Variants in TCHP observed in about 807,000 individuals in gnomAD.
TCHP encodes the protein trichoplein keratin filament binding, also known as trichoplein keratin filament-binding protein.
A neutral mutation model predicts 88.7 loss-of-function variants in TCHP; 81 were observed. That is an observed-to-expected ratio of 0.91 (90% CI 0.76 to 1.10). TCHP has a LOEUF of 1.10. TCHP is among the 50% of genes least tolerant of loss of function. The pLI is 0.00. For synonymous variants in TCHP, 232 were observed against 232.5 expected, an observed-to-expected ratio of 1.00 and a Z score of 0.02; for missense variants, 641 against 632.1, an observed-to-expected ratio of 1.01 and a Z score of -0.15.
chr12:109,914,304 C>T (rs1870670028), intron 10 of TCHP, 138 bp from the exon 11 acceptor site: 1 of 691,934 alleles, frequency 1.4e-6, no homozygotes, highest in Non-Finnish European at 2.4e-6. Context: ...TGTCATCTGG[C>T]TCTGCCTCTG....
At chr12:109,899,554 C>T (rs927366821), upstream of TCHP, among the ~76,000 whole-genome samples, 2 of 152,102 alleles carry the variant, frequency 1.3e-5, no homozygotes, top group African/African-American at 2.4e-5. Flanking sequence ...AGGGTAATCG[C>T]TTGAACCCGT....
chr12:109,915,618 T>C, intron 12 of TCHP, 72 bp downstream of exon 12: 1 of 1,488,788 alleles, frequency 6.7e-7, no homozygotes, highest in Non-Finnish European at 9.0e-7. Flanking sequence ...CCCCTGGGCC[T>C]GCTCATCGCC....
Position 109,906,575 on chromosome 12 carries a change from G to C in TCHP, c.460G>C (p.Glu154Gln). Reference sequence around the variant, plus strand: ...ATCGTCCCCCTTCCATCCTCAGATGGAGCTGGACCTTCACCAGAAGCATGT... The same window carrying C: ...ATCGTCCCCCTTCCATCCTCAGATGCAGCTGGACCTTCACCAGAAGCATGT... The part of the protein sequence containing the change: ...KKNNPKLREM[E>Q]LDLHQKHVVN... The change falls in exon 5 of 13, where the codon GAG becomes CAG. Residue 154 changes from glutamate to glutamine, a missense_variant. Coordinates refer to ENST00000405876, the MANE Select transcript of TCHP (RefSeq NM_001143852.2). The C allele has an allele frequency of 4.3e-6, 7 of 1,612,982 alleles. No homozygotes were observed. The highest frequency in any genetic ancestry group is 5.9e-6 in the Non-Finnish European group (7 of 1,179,832).
chr12:109,891,263 A>C, the TCHP span, among the ~76,000 whole-genome samples: 1 of 152,200 alleles, frequency 6.6e-6, no homozygotes, highest in Non-Finnish European at 1.5e-5. Flanking sequence ...ATCCTTCTCT[A>C]TAGGAAAATT....
chr12:109,886,714 TG>T, the TCHP span, among the ~76,000 whole-genome samples: 1 of 151,840 alleles, frequency 6.6e-6, no homozygotes, highest in African/African-American at 2.4e-5. Flanking sequence ...GTTTGTTTTT[TG>T]TTTTTTGTTT....
At chr12:109,916,474 C>A in intron 12 of TCHP, 117 bp from the exon 13 acceptor site, 5 of 1,139,286 alleles carry the variant, frequency 4.4e-6, no homozygotes, top group Non-Finnish European at 6.1e-6. Context: ...ATTTTTTCAG[C>A]TGGAAATGAA....
intron 8 of TCHP, 25 bp downstream of exon 8, chr12:109,908,962 A>G (rs1565911273): frequency 4.3e-6 from 7 of 1,612,686 alleles, no homozygotes; most frequent in African/African-American, 1.3e-5. Context: ...ACAGCCTGAC[A>G]TCTTTCTTAG....
At chr12:109,909,087 G>A (rs758230459) in intron 8 of TCHP, 150 bp downstream of exon 8, 3 of 691,056 alleles carry the variant, frequency 4.3e-6, no homozygotes, top group Middle Eastern at 3.0e-4. Flanking sequence ...TACATCCCTC[G>A]GTTGGGAGAT....
At chr12:109,899,005 G>C (rs953530137), upstream of TCHP, among the ~76,000 whole-genome samples, 1 of 152,038 alleles carries the variant, frequency 6.6e-6, no homozygotes, top group African/African-American at 2.4e-5. Context: ...TTTTAGCAGA[G>C]ACGGGGTTTC....
intron 8 of TCHP, among the ~76,000 whole-genome samples, chr12:109,909,793 T>C (rs890087644): frequency 6.6e-6 from 1 of 152,294 alleles, no homozygotes; most frequent in Admixed American, 6.5e-5. Context: ...GGTATAACCC[T>C]GTCTCTACTA....
At position 109,914,441 on chromosome 12, in the gene TCHP, G is replaced by A; in HGVS notation, c.1135-1G>A. The A allele has an allele frequency of 6.2e-7, 1 of 1,610,442 alleles. No homozygotes were observed. Among genetic ancestry groups the A allele is most frequent in the South Asian group, 1.1e-5 (1 of 90,766 alleles). ...TGCCCTTTTCTTTCTGCTGAGGTTA[G>A]GTTCTGACAGGGAGACAACAGCAAA... On this transcript the variant is annotated splice_acceptor_variant, in intron 10 of 12. Coordinates refer to ENST00000405876, the MANE Select transcript of TCHP (RefSeq NM_001143852.2). LOFTEE classifies it high-confidence loss of function.
chr12:109,900,605 G>GT (rs1869729927), intron 1 of TCHP, 179 bp downstream of exon 1: 1 of 152,292 alleles, frequency 6.6e-6, no homozygotes, highest in African/African-American at 2.4e-5. Flanking sequence ...TTCAGGTCGA[G>GT]AGAGGGATGC....
At chr12:109,889,293 G>A in the TCHP span, among the ~76,000 whole-genome samples, 3 of 152,130 alleles carry the variant, frequency 2.0e-5, no homozygotes, top group African/African-American at 4.8e-5. Flanking sequence ...CTAACACGGT[G>A]AAACCCCGTC....
chr12:109,914,741 C>A (rs979711838), intron 11 of TCHP, 114 bp downstream of exon 11: 1 of 811,478 alleles, frequency 1.2e-6, no homozygotes, highest in Non-Finnish European at 1.9e-6. Context: ...CGTTTGAGAG[C>A]ACGGTGCTCC....
upstream of TCHP, among the ~76,000 whole-genome samples, chr12:109,898,446 G>C (rs1180361232): frequency 6.6e-6 from 1 of 152,212 alleles, no homozygotes; most frequent in South Asian, 2.1e-4. Context: ...CTGACCTCAA[G>C]AGATCCGCCA....
intron 8 of TCHP, among the ~76,000 whole-genome samples, chr12:109,909,570 A>C (rs572467774): frequency 6.6e-6 from 1 of 152,370 alleles, no homozygotes; most frequent in Non-Finnish European, 1.5e-5. Context: ...CTATAATCCC[A>C]GCACTTTGAG....
intron 9 of TCHP, among the ~76,000 whole-genome samples, chr12:109,912,205 T>A (rs1247730470): frequency 1.3e-5 from 2 of 152,238 alleles, no homozygotes; most frequent in Non-Finnish European, 2.9e-5. Context: ...GTAGCATACA[T>A]TGAGCACTTA....
In TCHP at chr12:109,913,604, G is replaced by C. The variant is rs1870632968; in HGVS notation, c.1134+532G>C. Among the ~76,000 whole-genome samples, 4 of 152,298 alleles carry C rather than the reference G, an allele frequency of 2.6e-5. No individual in the cohort carries two copies. The South Asian group carries it at 8.3e-4, about 32-fold the overall frequency. On this transcript the variant is annotated intron_variant, in intron 10 of 12. Transcript: ENST00000405876. ...CGGGGTAGATGACAGCCGTGACCTG[G>C]AGGACATAACTGCTTTCCTGGTCAG...
chr12:109,915,665 T>A (rs1236644309), intron 12 of TCHP, 119 bp downstream of exon 12: 1 of 1,190,184 alleles, frequency 8.4e-7, no homozygotes, highest in Admixed American at 2.9e-5. Flanking sequence ...TCCGGGTTAT[T>A]CCTTGTTTCT....
Sources: gnomAD v4.1 joint callset for allele counts (sites outside exome capture counted in the v4.1 genomes callset) on GRCh38, gnomAD v4.1.1 for gene constraint, MANE v1.5 for transcripts, NCBI Gene and HGNC (gene_info 2026-07-23, HGNC 2026-07-21) for gene names.